The following CLDN10 variants were observed in gnomAD, a reference collection of about 807,000 sequenced individuals.
The protein encoded by CLDN10 is claudin-10.
A neutral mutation model predicts 22.9 loss-of-function variants in CLDN10; 15 were observed. That is an observed-to-expected ratio of 0.65 (90% CI 0.44 to 1.01). The LOEUF is 1.01. Ranked by LOEUF, CLDN10 falls within the 50% of genes least tolerant of loss-of-function variation. The pLI, the probability that CLDN10 is intolerant of heterozygous loss-of-function variation, is 0.00. For synonymous variants in CLDN10, 114 were observed against 111.4 expected, an observed-to-expected ratio of 1.02 and a Z score of -0.15; for missense variants, 247 against 287.8, an observed-to-expected ratio of 0.86 and a Z score of 1.03.
upstream of CLDN10, among the ~76,000 whole-genome samples, chr13:95,549,515 C>G (rs1405075148): frequency 6.6e-6 from 1 of 152,166 alleles, no homozygotes; most frequent in Non-Finnish European, 1.5e-5. Flanking sequence ...TCCATAATAT[C>G]TTTAGAATTC....
intron 1 of CLDN10, among the ~76,000 whole-genome samples, chr13:95,538,033 C>T (rs1439958774): frequency 3.3e-5 from 5 of 152,048 alleles, no homozygotes; most frequent in Non-Finnish European, 5.9e-5. Context: ...TCTAAAACAA[C>T]GTTGCCAAGA....
chr13:95,502,122 TA>T (rs2042992728), intron 1 of CLDN10, among the ~76,000 whole-genome samples: 1 of 152,118 alleles, frequency 6.6e-6, no homozygotes, highest in Non-Finnish European at 1.5e-5. Context: ...CCGCACATGT[TA>T]AAAGGGATAG....
chr13:95,488,471 G>A (rs569267260), intron 1 of CLDN10, among the ~76,000 whole-genome samples: 1 of 151,766 alleles, frequency 6.6e-6, no homozygotes, highest in East Asian at 1.9e-4. Context: ...CATCACCCGA[G>A]CAGTATACAC....
chr13:95,454,926 C>A (rs1268503495), intron 1 of CLDN10, among the ~76,000 whole-genome samples: 1 of 152,144 alleles, frequency 6.6e-6, no homozygotes, highest in East Asian at 1.9e-4. Flanking sequence ...GTGGCTCATG[C>A]CTACAATCCC....
At chr13:95,543,831 C>T (rs2043483021) in intron 1 of CLDN10, among the ~76,000 whole-genome samples, 3 of 151,720 alleles carry the variant, frequency 2.0e-5, no homozygotes, top group Admixed American at 6.6e-5. Context: ...TATATGCAAT[C>T]GATTGTAAAA....
chr13:95,458,187 G>C (rs1382929344), intron 1 of CLDN10, among the ~76,000 whole-genome samples: 3 of 152,164 alleles, frequency 2.0e-5, no homozygotes, highest in Admixed American at 6.5e-5. Context: ...GTAGACCTCT[G>C]ATTGTATCAT....
At chr13:95,464,400 C>T (rs1261518005) in intron 1 of CLDN10, among the ~76,000 whole-genome samples, 4 of 152,090 alleles carry the variant, frequency 2.6e-5, no homozygotes, top group African/African-American at 9.7e-5. Flanking sequence ...TGGTTTCCAG[C>T]TTCATCCATG....
chr13:95,434,538 C>CATGTGTGTATATATATATGAACACAT (rs55732645), intron 1 of CLDN10, among the ~76,000 whole-genome samples: 1 of 149,186 alleles, frequency 6.7e-6, no homozygotes, highest in African/African-American at 2.5e-5. Context: ...TATATGCACA[C>CATGTGTGTATATATATATGAACACAT]GTGTGTATAT....
intron 1 of CLDN10, among the ~76,000 whole-genome samples, chr13:95,506,403 G>A (rs1034421779): frequency 1.2e-4 from 18 of 152,150 alleles, no homozygotes; most frequent in African/African-American, 3.1e-4. Context: ...GTGTAATTCC[G>A]CCCTTGAAGA....
At chr13:95,463,575 C>A (rs2042558102) in intron 1 of CLDN10, among the ~76,000 whole-genome samples, 1 of 151,640 alleles carries the variant, frequency 6.6e-6, no homozygotes, top group Non-Finnish European at 1.5e-5. Flanking sequence ...TCAAGCAATA[C>A]TCCCACTTCA....
Position 95,520,704 on chromosome 13 carries a change from C to T in CLDN10, c.215-39428C>T, listed in dbSNP as rs529072239. ...ATGTTTTAAATTGTTTGGATGAGGG[C>T]GGGCGTGGTGGCTCACACCTGTAAT... On this transcript the variant is annotated intron_variant, in intron 1 of 4. Coordinates refer to the CLDN10 transcript ENST00000376873. Among the ~76,000 whole-genome samples, 248 of 152,162 alleles carry T rather than the reference C, an allele frequency of 1.6e-3. 1 individual carries two copies. The highest frequency in any genetic ancestry group is 5.2e-3 in the African/African-American group (216 of 41,516).
chr13:95,484,647 A>G (rs4614587), intron 1 of CLDN10, among the ~76,000 whole-genome samples: 87,911 of 148,232 alleles, frequency 0.59, 27,252 homozygotes, highest in African/African-American at 0.78. Flanking sequence ...GTTCAAGACC[A>G]GCCTGGCCAA....
At chr13:95,548,323 A>T (rs2043530986), upstream of CLDN10, among the ~76,000 whole-genome samples, 1 of 152,216 alleles carries the variant, frequency 6.6e-6, no homozygotes. Context: ...ATAATTTAGA[A>T]TTGGGAATGA....
rs111289731 is a variant in CLDN10, at chr13:95,440,203, T to C, written c.214+6156T>C. On this transcript the variant is annotated intron_variant, in intron 1 of 4. Coordinates refer to the CLDN10 transcript ENST00000376873. ...CTGGGATTACAGGCGTGAGCCACCA[T>C]GCCTGGCCAATATTAATACTTTTAA... Among the ~76,000 whole-genome samples the C allele has an allele frequency of 5.8e-3, 884 of 152,302 alleles. 5 individuals are homozygous for C. Among genetic ancestry groups the C allele is most frequent in the African/African-American group, 0.02 (843 of 41,572 alleles).
Position 95,579,680 on chromosome 13 carries a change from T to C in CLDN10, c.*1666T>C, listed in dbSNP as rs1367703850. ...AGACTTAAAAAAAAGAATCACATTG[T>C]TCAGAGGTGCTCAATGGAAAGAAAA... On this transcript the variant is annotated 3_prime_UTR_variant, in exon 5 of 5. Transcript: ENST00000299339. 2.0e-5 allele frequency: 3 copies of C among 152,204 alleles called. No individual in the cohort carries two copies. Among genetic ancestry groups the C allele is most frequent in the African/African-American group, 7.2e-5 (3 of 41,456 alleles). The allele number at this position is 152,204 out of a possible 1,614,324, so 9.4% of individuals were successfully genotyped here.
At chr13:95,561,487 C>A (rs1385671594) in intron 3 of CLDN10, among the ~76,000 whole-genome samples, 3 of 152,112 alleles carry the variant, frequency 2.0e-5, no homozygotes, top group Admixed American at 1.3e-4. Context: ...CAGAGCACTG[C>A]AAATATTATT....
intron 1 of CLDN10, among the ~76,000 whole-genome samples, chr13:95,473,882 G>A (rs970593398): frequency 7.9e-5 from 12 of 152,194 alleles, no homozygotes; most frequent in African/African-American, 1.9e-4. Flanking sequence ...GAAGGGGCTC[G>A]CCCACAGTGA....
intron 1 of CLDN10, among the ~76,000 whole-genome samples, chr13:95,497,588 G>T (rs1379842831): frequency 1.3e-5 from 2 of 152,198 alleles, no homozygotes; most frequent in Non-Finnish European, 2.9e-5. Context: ...ATCTTTGAAT[G>T]TGCATTGCAG....
rs113144254 is a variant in CLDN10 at position 95,468,725 on chromosome 13, C to CA, written c.214+34689dup. Among the ~76,000 whole-genome samples the CA allele has an allele frequency of 2.8e-4, 39 of 137,798 alleles. 1 individual carries two copies. The highest frequency in any genetic ancestry group is 5.1e-4 in the African/African-American group (19 of 37,576). 90.4% of individuals were successfully genotyped at this position (137,798 alleles called of 152,430 possible). A position where few individuals can be genotyped will look rare whatever the true frequency, so the allele number is the denominator to read the frequency against. ...TGGGTGACAGAGTGAGACCCTGTCT[C>CA]AAAAAAAAAAATGAAGAAAGAAAAC... On this transcript the variant is annotated intron_variant, in intron 1 of 4. Coordinates refer to the CLDN10 transcript ENST00000376873.
Sources: gnomAD v4.1 joint callset for allele counts (sites outside exome capture counted in the v4.1 genomes callset) on GRCh38, gnomAD v4.1.1 for gene constraint, MANE v1.5 for transcripts, NCBI Gene and HGNC (gene_info 2026-07-23, HGNC 2026-07-21) for gene names.